The following PRKG1 variants were observed in gnomAD, a reference collection of about 807,000 sequenced individuals.
PRKG1 encodes the protein protein kinase cGMP-dependent 1.
In PRKG1, 35 loss-of-function variants were observed where a neutral mutation model predicts 88.1. The observed-to-expected ratio is 0.40, with a 90% CI of 0.30 to 0.53. The LOEUF (loss-of-function observed/expected upper bound fraction) is 0.53. Among genes scored for constraint, PRKG1 ranks in the 20% least tolerant of loss-of-function variants. PRKG1 has a pLI of 0.59. For synonymous variants in PRKG1, 303 were observed against 292.5 expected (o/e 1.04, Z -0.37); for missense variants, 540 against 839.8 (o/e 0.64, Z 4.41).
rs1440391868 is a variant in PRKG1, at chr10:51,698,470, C to T, written c.593-106115C>T. On this transcript the variant is annotated intron_variant, in intron 3 of 17. Transcript: ENST00000373980. ...CAGAGGCATGATGCATGGGGGGACC[C>T]TGATGGGGTGGACCCAGATAACCTC... 2.5e-6 allele frequency: 4 copies of T among 1,614,142 alleles called. No individual in the cohort carries two copies. The East Asian group carries it at 8.9e-5, about 36-fold the overall frequency.
At chr10:52,015,385 C>T (rs1257570887) in intron 5 of PRKG1, among the ~76,000 whole-genome samples, 1 of 152,212 alleles carries the variant, frequency 6.6e-6, no homozygotes, top group East Asian at 1.9e-4. Context: ...TTTGGAGCAG[C>T]TGGGACACAG....
Position 51,023,462 on chromosome 10 carries a change from T to A in PRKG1, c.266+31818T>A, listed in dbSNP as rs148943368. Reference sequence around the variant, plus strand: ...ATCTATAAAGCATTGAGAAGTTTGGTACAATAACTGTCAAATGACAGGCTT... The same window carrying A: ...ATCTATAAAGCATTGAGAAGTTTGGAACAATAACTGTCAAATGACAGGCTT... On this transcript the variant is annotated intron_variant, in intron 1 of 17. Transcript: ENST00000401604. 1.2e-3 allele frequency among the ~76,000 whole-genome samples: 190 copies of A among 152,292 alleles called. 1 individual carries two copies. The highest frequency in any genetic ancestry group is 4.3e-3 in the African/African-American group (178 of 41,546).
intron 2 of PRKG1, among the ~76,000 whole-genome samples, chr10:51,457,150 G>A (rs374539119): frequency 6.6e-6 from 1 of 152,112 alleles, no homozygotes; most frequent in Admixed American, 6.6e-5. Context: ...AGCACAATGT[G>A]CATTTACAAA....
At chr10:50,998,514 A>C (rs1564566338) in intron 1 of PRKG1, among the ~76,000 whole-genome samples, 1 of 152,230 alleles carries the variant, frequency 6.6e-6, no homozygotes, top group Non-Finnish European at 1.5e-5. Flanking sequence ...TTGGGAGGCC[A>C]AGGTGGGCAG....
chr10:51,847,299 G>A (rs563917914), intron 4 of PRKG1, among the ~76,000 whole-genome samples: 1 of 152,102 alleles, frequency 6.6e-6, no homozygotes, highest in Non-Finnish European at 1.5e-5. Context: ...AATGCAAAAC[G>A]AGTGATGATT....
At chr10:52,178,264 T>C (rs1345705869) in intron 9 of PRKG1, among the ~76,000 whole-genome samples, 2 of 152,124 alleles carry the variant, frequency 1.3e-5, no homozygotes, top group Non-Finnish European at 2.9e-5. Flanking sequence ...TCTTCAGTCA[T>C]TGGTCATTCA....
chr10:51,725,609 A>T (rs1223161698), intron 3 of PRKG1, among the ~76,000 whole-genome samples: 1 of 148,602 alleles, frequency 6.7e-6, no homozygotes, highest in Non-Finnish European at 1.5e-5. Flanking sequence ...GAATCATAGA[A>T]GAATTTCTTT....
intron 2 of PRKG1, among the ~76,000 whole-genome samples, chr10:51,244,069 T>C (rs886997685): frequency 3.3e-5 from 5 of 152,170 alleles, no homozygotes; most frequent in African/African-American, 1.2e-4. Flanking sequence ...CTTGGCCCAA[T>C]GTTCAAATAA....
At chr10:52,285,680 AACTCTTATC>A (rs1842102929) in intron 14 of PRKG1, among the ~76,000 whole-genome samples, 2 of 152,224 alleles carry the variant, frequency 1.3e-5, no homozygotes, top group East Asian at 3.9e-4. Context: ...TGTTTAGATA[AACTCTTATC>A]TATAATTTCT....
At chr10:52,184,271 C>T (rs1054065343) in intron 9 of PRKG1, among the ~76,000 whole-genome samples, 2 of 152,042 alleles carry the variant, frequency 1.3e-5, no homozygotes, top group African/African-American at 2.4e-5. Context: ...ACATTTTTAG[C>T]CTACAAAAAT....
chr10:51,108,773 T>C (rs1167441127), intron 1 of PRKG1, among the ~76,000 whole-genome samples: 2 of 152,164 alleles, frequency 1.3e-5, no homozygotes, highest in Non-Finnish European at 2.9e-5. Context: ...TTCTAGCTAA[T>C]GTGATAGGCA....
intron 2 of PRKG1, among the ~76,000 whole-genome samples, chr10:51,353,877 C>T: frequency 1.6e-5 from 1 of 61,130 alleles, no homozygotes; most frequent in African/African-American, 6.0e-5. Flanking sequence ...TTTACAATAG[C>T]CAAGATTTGT....
chr10:51,928,059 T>A (rs1337520690), intron 5 of PRKG1, among the ~76,000 whole-genome samples: 1 of 152,142 alleles, frequency 6.6e-6, no homozygotes, highest in East Asian at 1.9e-4. Flanking sequence ...ATGAGAAACT[T>A]CCTTACTGAA....
intron 2 of PRKG1, among the ~76,000 whole-genome samples, chr10:51,415,347 T>C (rs1043585452): frequency 6.6e-6 from 1 of 152,232 alleles, no homozygotes; most frequent in African/African-American, 2.4e-5. Context: ...AATGAGGTCA[T>C]CTGCTTAATT....
At chr10:51,508,557 A>G (rs934746555) in intron 3 of PRKG1, among the ~76,000 whole-genome samples, 6 of 151,112 alleles carry the variant, frequency 4.0e-5, no homozygotes, top group Admixed American at 1.3e-4. Flanking sequence ...ACTTTTTTTA[A>G]AAAAAAAACC....
intron 9 of PRKG1, among the ~76,000 whole-genome samples, chr10:52,192,264 A>T (rs572411107): frequency 6.6e-6 from 1 of 152,192 alleles, no homozygotes; most frequent in East Asian, 1.9e-4. Flanking sequence ...AAGGTTTTTC[A>T]TGTACATTTC....
chr10:52,216,928 C>T (rs1840126171), intron 9 of PRKG1, among the ~76,000 whole-genome samples: 2 of 152,112 alleles, frequency 1.3e-5, no homozygotes, highest in Non-Finnish European at 2.9e-5. Flanking sequence ...GTGAGTTCAG[C>T]TCCTGCACCA....
chr10:51,061,118 A>T (rs554926218), intron 1 of PRKG1, among the ~76,000 whole-genome samples: 139 of 146,576 alleles, frequency 9.5e-4, no homozygotes, highest in Admixed American at 1.4e-3. Context: ...GCTAATAAAG[A>T]CATACCTGAG....
chr10:51,858,146 C>A (rs1161910857), intron 4 of PRKG1, among the ~76,000 whole-genome samples: 1 of 15,934 alleles, frequency 6.3e-5, no homozygotes, highest in African/African-American at 4.0e-4. Flanking sequence ...ACATATTATA[C>A]ATATATATAA....
Sources: allele counts gnomAD v4.1 joint callset (sites outside exome capture counted in the v4.1 genomes callset), GRCh38; gene constraint gnomAD v4.1.1; transcripts MANE v1.5; gene names NCBI Gene and HGNC (gene_info 2026-07-23, HGNC 2026-07-21).